The following PALS1 variants were observed in gnomAD, a reference collection of about 807,000 sequenced individuals.
PALS1 encodes protein PALS1.
A neutral mutation model predicts 78.9 loss-of-function variants in PALS1; 31 were observed. The ratio of observed to expected loss-of-function variants is 0.39; its 90% confidence interval spans 0.30 to 0.53. The LOEUF is 0.53. Among genes scored for constraint, PALS1 ranks in the 20% least tolerant of loss-of-function variants. The pLI is 0.67. For synonymous variants in PALS1, 276 were observed against 270.9 expected, an observed-to-expected ratio of 1.02 and a Z score of -0.18; for missense variants, 704 against 826.5, an observed-to-expected ratio of 0.85 and a Z score of 1.82.
At chr14:67,297,538 CAG>C (rs1487994542) in intron 4 of PALS1, among the ~76,000 whole-genome samples, 1 of 152,062 alleles carries the variant, frequency 6.6e-6, no homozygotes, top group East Asian at 1.9e-4. Flanking sequence ...GAATTTTAAA[CAG>C]ATTTATATAA....
intron 2 of PALS1, among the ~76,000 whole-genome samples, chr14:67,276,185 T>A (rs1466214823): frequency 1.4e-5 from 2 of 145,770 alleles, no homozygotes; most frequent in African/African-American, 5.4e-5. Context: ...TTAATTATTC[T>A]TACTATTTTC....
chr14:67,282,472 A>G (rs1246524992), intron 3 of PALS1, among the ~76,000 whole-genome samples: 3 of 152,182 alleles, frequency 2.0e-5, no homozygotes, highest in Admixed American at 6.5e-5. Context: ...AGAATCAAAA[A>G]TATGATTGGC....
intron 4 of PALS1, among the ~76,000 whole-genome samples, chr14:67,297,585 AT>A (rs2084876447): frequency 6.6e-6 from 1 of 152,198 alleles, no homozygotes; most frequent in African/African-American, 2.4e-5. Flanking sequence ...CTTTGATAAC[AT>A]TGTGGAAAGT....
At chr14:67,264,117 C>T (rs2084280710) in intron 1 of PALS1, among the ~76,000 whole-genome samples, 1 of 152,078 alleles carries the variant, frequency 6.6e-6, no homozygotes, top group African/African-American at 2.4e-5. Context: ...TAGATGATGT[C>T]GTGGACATGC....
intron 8 of PALS1, among the ~76,000 whole-genome samples, chr14:67,308,975 C>T (rs2146229): frequency 1.3e-5 from 2 of 151,744 alleles, no homozygotes; most frequent in East Asian, 1.9e-4. Flanking sequence ...TTCATCATTA[C>T]GACTTCAAAT....
intron 11 of PALS1, among the ~76,000 whole-genome samples, chr14:67,319,928 C>T (rs1312697514): frequency 6.6e-6 from 1 of 152,186 alleles, no homozygotes; most frequent in Non-Finnish European, 1.5e-5. Flanking sequence ...CTAGTTCATT[C>T]CCTGGTACCG....
At chr14:67,321,631 C>T (rs2085266559) in intron 13 of PALS1, among the ~76,000 whole-genome samples, 1 of 152,076 alleles carries the variant, frequency 6.6e-6, no homozygotes, top group Admixed American at 6.5e-5. Flanking sequence ...ATTTACTTAG[C>T]CTGAAGGTAA....
chr14:67,266,846 A>G (rs1305083397), intron 1 of PALS1, among the ~76,000 whole-genome samples: 2 of 152,098 alleles, frequency 1.3e-5, no homozygotes, highest in East Asian at 3.9e-4. Flanking sequence ...ACAGTGGCTC[A>G]TGCCTGTAAT....
intron 1 of PALS1, among the ~76,000 whole-genome samples, chr14:67,262,134 C>G (rs1430381414): frequency 6.6e-6 from 1 of 152,050 alleles, no homozygotes; most frequent in African/African-American, 2.4e-5. Flanking sequence ...ACCTGTCTAC[C>G]TTTCAGGGCA....
intron 2 of PALS1, among the ~76,000 whole-genome samples, chr14:67,275,772 G>C (rs898339255): frequency 6.6e-6 from 1 of 152,102 alleles, no homozygotes; most frequent in Non-Finnish European, 1.5e-5. Flanking sequence ...TGGTTGGTAG[G>C]CTATTAATTA....
intron 1 of PALS1, among the ~76,000 whole-genome samples, chr14:67,245,730 A>C (rs529886795): frequency 1.4e-4 from 22 of 152,296 alleles, no homozygotes; most frequent in African/African-American, 5.3e-4. Flanking sequence ...TTTCATCCTC[A>C]TAACTTCTAT....
At chr14:67,265,856 C>CA (rs748481179) in intron 1 of PALS1, among the ~76,000 whole-genome samples, 887 of 75,090 alleles carry the variant, frequency 0.012, 17 homozygotes, top group East Asian at 0.089. Flanking sequence ...GACTCCATCT[C>CA]AAAAAAAAAA....
chr14:67,309,607 T>C (rs1043342990), intron 8 of PALS1, among the ~76,000 whole-genome samples: 7 of 152,152 alleles, frequency 4.6e-5, no homozygotes, highest in African/African-American at 1.4e-4. Flanking sequence ...CAAGAGTACA[T>C]GGAAAAGCAT....
At chr14:67,295,795 G>A (rs1416147955) in intron 4 of PALS1, among the ~76,000 whole-genome samples, 1 of 152,154 alleles carries the variant, frequency 6.6e-6, no homozygotes, top group East Asian at 1.9e-4. Context: ...TTGGAAAAAT[G>A]TTTGGCAGTA....
At chr14:67,305,177 A>G (rs1003838071) in intron 8 of PALS1, among the ~76,000 whole-genome samples, 1 of 152,238 alleles carries the variant, frequency 6.6e-6, no homozygotes, top group African/African-American at 2.4e-5. Flanking sequence ...AACTGAGGAA[A>G]CATAACAGAG....
chr14:67,284,587 A>C (rs890155410), intron 3 of PALS1, among the ~76,000 whole-genome samples: 3 of 140,800 alleles, frequency 2.1e-5, no homozygotes, highest in African/African-American at 2.7e-5. Flanking sequence ...AAAAAAAAAA[A>C]AGGTTGTGCA....
At position 67,267,442 on chromosome 14, in the gene PALS1, G is replaced by T. The variant is rs569271304; in HGVS notation, c.-236-2259G>T. Among the ~76,000 whole-genome samples the T allele has an allele frequency of 3.3e-5, 5 of 151,864 alleles. No homozygotes were observed. The South Asian group carries it at 1.0e-3, about 32-fold the overall frequency. On this transcript the variant is annotated intron_variant, in intron 1 of 14. Coordinates refer to ENST00000261681, the MANE Select transcript of PALS1 (RefSeq NM_022474.4). The stretch of plus-strand genomic sequence containing the variant: ...CCTGGCTAATTTTTAGTAGAGATGG[G>T]GGTTCATCATGTTGGCCAGGCTGGT...
Position 67,301,990 on chromosome 14 carries a change from G to A in PALS1, c.673G>A (p.Asp225Asn). The A allele has an allele frequency of 3.1e-6, 5 of 1,599,900 alleles. No individual in the cohort carries two copies. Among genetic ancestry groups the A allele is most frequent in the Non-Finnish European group, 4.3e-6 (5 of 1,174,876 alleles). ...PHIQALLLAHDKVAEQEMQLE... is the reference protein window; with the variant it reads ...PHIQALLLAHNKVAEQEMQLE... Reference sequence around the variant, plus strand: ...GAAACAGGCACTTTTACTGGCCCACGATAAGGTTGCTGAGCAGGAAATGCA... The same window carrying A: ...GAAACAGGCACTTTTACTGGCCCACAATAAGGTTGCTGAGCAGGAAATGCA... Residue 225 changes from aspartate to asparagine, a missense_variant, in exon 6 of 15, where the codon GAT becomes AAT. Asp to Asn is a conservative substitution (Grantham distance 23). Coordinates refer to ENST00000261681, the MANE Select transcript of PALS1 (RefSeq NM_022474.4).
intron 1 of PALS1, among the ~76,000 whole-genome samples, chr14:67,253,514 G>C (rs1049328543): frequency 6.6e-6 from 1 of 152,116 alleles, no homozygotes; most frequent in Non-Finnish European, 1.5e-5. Context: ...TTTTCAGTAG[G>C]TTGTTTTCAC....
Sources: gnomAD v4.1 joint callset for allele counts (sites outside exome capture counted in the v4.1 genomes callset) on GRCh38, gnomAD v4.1.1 for gene constraint, MANE v1.5 for transcripts, NCBI Gene and HGNC (gene_info 2026-07-23, HGNC 2026-07-21) for gene names.